PVT1: variants seen among roughly 807,000 people sequenced by gnomAD.
PVT1 encodes the protein Pvt1 oncogene, also known as CXCR4/PVT1 fusion.
intron 3 of PVT1, among the ~76,000 whole-genome samples, chr8:127,902,380 A>G (rs1563634653): frequency 1.3e-5 from 2 of 149,936 alleles, no homozygotes; most frequent in Non-Finnish European, 3.0e-5. Flanking sequence ...GCGAGGCTGC[A>G]TGTTCTGGAG....
intron 4 of PVT1, among the ~76,000 whole-genome samples, chr8:128,065,026 A>C (rs1406704232): frequency 6.6e-6 from 1 of 152,140 alleles, no homozygotes; most frequent in Admixed American, 6.5e-5. Context: ...TTCAATACCC[A>C]GATTTTACTA....
At chr8:127,992,972 T>C (rs893785299) in intron 4 of PVT1, among the ~76,000 whole-genome samples, 1 of 152,224 alleles carries the variant, frequency 6.6e-6, no homozygotes, top group Non-Finnish European at 1.5e-5. Context: ...CTGTACTTGG[T>C]GTCCACAGGA....
intron 4 of PVT1, among the ~76,000 whole-genome samples, chr8:128,013,773 T>C (rs555619980): frequency 6.6e-6 from 1 of 152,320 alleles, no homozygotes; most frequent in Non-Finnish European, 1.5e-5. Flanking sequence ...ATTACTTATC[T>C]CTCTATCCCT....
intron 2 of PVT1, among the ~76,000 whole-genome samples, chr8:127,860,305 G>A (rs554345036): frequency 2.6e-5 from 4 of 152,332 alleles, no homozygotes; most frequent in African/African-American, 9.6e-5. Context: ...GCCAGGAACC[G>A]CCAGAACCAA....
intron 3 of PVT1, among the ~76,000 whole-genome samples, chr8:127,972,282 T>C (rs1287657457): frequency 6.6e-6 from 1 of 152,236 alleles, no homozygotes; most frequent in Non-Finnish European, 1.5e-5. Context: ...CGGCCAGCTT[T>C]CTTGCTTTGC....
intron 3 of PVT1, among the ~76,000 whole-genome samples, chr8:127,902,161 T>G (rs1815766759): frequency 6.6e-6 from 1 of 152,174 alleles, no homozygotes; most frequent in Non-Finnish European, 1.5e-5. Context: ...AATGGCCAAC[T>G]TGTCCTGGTT....
chr8:127,856,556 G>A (rs1165720503), intron 2 of PVT1, among the ~76,000 whole-genome samples: 2 of 151,932 alleles, frequency 1.3e-5, no homozygotes, highest in East Asian at 3.9e-4. Context: ...GGTCAGGCTG[G>A]TCTCGAACTC....
At chr8:127,877,940 C>T (rs1217034699) in intron 2 of PVT1, among the ~76,000 whole-genome samples, 3 of 151,892 alleles carry the variant, frequency 2.0e-5, no homozygotes, top group Non-Finnish European at 4.4e-5. Flanking sequence ...AAACAACAAC[C>T]CCCCTCCCCC....
At chr8:127,973,286 AG>A (rs1816784961) in intron 3 of PVT1, among the ~76,000 whole-genome samples, 1 of 152,118 alleles carries the variant, frequency 6.6e-6, no homozygotes, top group Non-Finnish European at 1.5e-5. Context: ...AATCAATGAC[AG>A]GGGTACATAG....
intron 4 of PVT1, among the ~76,000 whole-genome samples, chr8:128,011,080 C>T (rs1372388285): frequency 6.6e-6 from 1 of 152,172 alleles, no homozygotes; most frequent in Non-Finnish European, 1.5e-5. Context: ...GCCTCTGGCT[C>T]ATTCTGTCTT....
At chr8:128,012,178 G>T (rs1024982546) in intron 4 of PVT1, among the ~76,000 whole-genome samples, 2 of 152,202 alleles carry the variant, frequency 1.3e-5, no homozygotes, top group Non-Finnish European at 2.9e-5. Context: ...GGGGATGCAT[G>T]AAGGAGCTAT....
chr8:127,936,852 C>T (rs1293826004), intron 3 of PVT1, among the ~76,000 whole-genome samples: 1 of 152,234 alleles, frequency 6.6e-6, no homozygotes, highest in Admixed American at 6.5e-5. Context: ...GCAGAGCCAC[C>T]TGTGCCACAG....
At chr8:127,904,963 G>A (rs1313599575) in intron 3 of PVT1, among the ~76,000 whole-genome samples, 2 of 152,236 alleles carry the variant, frequency 1.3e-5, no homozygotes, top group Non-Finnish European at 2.9e-5. Flanking sequence ...GCAGGACTAA[G>A]GTTCAGGCTT....
intron 3 of PVT1, among the ~76,000 whole-genome samples, chr8:127,987,953 G>T (rs940821022): frequency 2.0e-5 from 3 of 152,230 alleles, no homozygotes; most frequent in African/African-American, 4.8e-5. Flanking sequence ...ACTCTGTGCT[G>T]CTGGGAACTG....
chr8:128,034,013 G>C (rs1026073047), intron 4 of PVT1, among the ~76,000 whole-genome samples: 1 of 151,490 alleles, frequency 6.6e-6, no homozygotes, highest in African/African-American at 2.4e-5. Context: ...CACCTCCCCA[G>C]CCCTGCCGAG....
chr8:127,853,907 A>C (rs1343829828), intron 2 of PVT1, among the ~76,000 whole-genome samples: 1 of 151,364 alleles, frequency 6.6e-6, no homozygotes, highest in Non-Finnish European at 1.5e-5. Context: ...CCAGCTTTTC[A>C]CTGACCCTTC....
chr8:127,828,612 G>A (rs1189214774), intron 2 of PVT1, among the ~76,000 whole-genome samples: 2 of 152,038 alleles, frequency 1.3e-5, no homozygotes, highest in South Asian at 2.1e-4. Flanking sequence ...GGAGCCAAGC[G>A]AGGCCAGGTT....
chr8:128,090,264 G>T (rs866044187), intron 5 of PVT1, among the ~76,000 whole-genome samples: 13 of 152,286 alleles, frequency 8.5e-5, no homozygotes, highest in Middle Eastern at 3.4e-3. Context: ...GTAACTCCAC[G>T]CAAGACTGTC....
intron 2 of PVT1, among the ~76,000 whole-genome samples, chr8:127,811,911 C>T (rs960130631): frequency 6.6e-6 from 1 of 152,036 alleles, no homozygotes; most frequent in African/African-American, 2.4e-5. Context: ...TTCAGATTTA[C>T]CTTCATTTGC....
Sources: allele counts gnomAD v4.1 joint callset (sites outside exome capture counted in the v4.1 genomes callset), GRCh38; gene constraint gnomAD v4.1.1; transcripts MANE v1.5; gene names NCBI Gene and HGNC (gene_info 2026-07-23, HGNC 2026-07-21).